Variants in UBTD2 observed in about 807,000 individuals in gnomAD.
UBTD2 encodes the protein ubiquitin domain-containing protein 2.
Under a neutral mutation model 19.8 loss-of-function variants are expected in UBTD2, and 9 were observed. The ratio of observed to expected loss-of-function variants is 0.46; its 90% CI spans 0.27 to 0.79. The LOEUF is 0.79. Among genes scored for constraint, UBTD2 ranks in the 30% least tolerant of loss-of-function variants. UBTD2 has a pLI of 0.14. For synonymous variants in UBTD2, 98 were observed against 103.9 expected (o/e 0.94, Z 0.35); for missense variants, 250 against 300.4 (o/e 0.83, Z 1.24).
chr5:172,275,159 C>A (rs183317913), intron 1 of UBTD2, among the ~76,000 whole-genome samples: 2 of 152,292 alleles, frequency 1.3e-5, no homozygotes, highest in African/African-American at 4.8e-5. Flanking sequence ...GCAACAAACA[C>A]GTCCTTGTTC....
At chr5:172,255,021 G>A in intron 1 of UBTD2, 2 of 552,976 alleles carry the variant, frequency 3.6e-6, no homozygotes, top group South Asian at 3.0e-5. Context: ...AAGATCCCCA[G>A]GCTCCATATT....
chr5:172,243,127 CTTT>C (rs377346393), intron 1 of UBTD2, among the ~76,000 whole-genome samples: 2 of 132,674 alleles, frequency 1.5e-5, no homozygotes, highest in African/African-American at 5.6e-5. Flanking sequence ...CATGACTGGC[CTTT>C]TTTTTTTTTT....
chr5:172,221,341 C>T (rs1432833702), intron 2 of UBTD2, among the ~76,000 whole-genome samples: 3 of 151,626 alleles, frequency 2.0e-5, no homozygotes, highest in Admixed American at 2.0e-4. Flanking sequence ...CCATCTCTAC[C>T]AAAGAAATAA....
At chr5:172,257,484 C>G (rs1421399892) in intron 1 of UBTD2, among the ~76,000 whole-genome samples, 1 of 152,136 alleles carries the variant, frequency 6.6e-6, no homozygotes, top group Non-Finnish European at 1.5e-5. Flanking sequence ...AATTTATATT[C>G]CTTTGAGTAT....
chr5:172,252,659 T>A (rs1220678802), intron 1 of UBTD2, among the ~76,000 whole-genome samples: 2 of 152,110 alleles, frequency 1.3e-5, no homozygotes, highest in Non-Finnish European at 2.9e-5. Context: ...CTATCTGAAG[T>A]TTCCTCTGCT....
At chr5:172,245,572 C>T (rs533059755) in intron 1 of UBTD2, among the ~76,000 whole-genome samples, 148 of 152,218 alleles carry the variant, frequency 9.7e-4, no homozygotes, top group Admixed American at 2.3e-3. Context: ...ATTAGCCCCA[C>T]GTGGTGGCGC....
chr5:172,280,277 T>G (rs4133474), intron 1 of UBTD2, among the ~76,000 whole-genome samples: 9 of 151,492 alleles, frequency 5.9e-5, no homozygotes, highest in African/African-American at 9.7e-5. Context: ...GAAGCACAGG[T>G]GGGCGGATTA....
chr5:172,261,294 T>A (rs1048786708), intron 1 of UBTD2, among the ~76,000 whole-genome samples: 1 of 152,188 alleles, frequency 6.6e-6, no homozygotes, highest in Non-Finnish European at 1.5e-5. Context: ...CACCACTTTA[T>A]AACCGAGATA....
intron 1 of UBTD2, among the ~76,000 whole-genome samples, chr5:172,276,943 C>T (rs967983301): frequency 4.0e-5 from 6 of 151,678 alleles, no homozygotes; most frequent in African/African-American, 7.3e-5. Flanking sequence ...GAGGTGCACA[C>T]GTGTAATCCC....
At chr5:172,228,661 C>A (rs915016416) in intron 2 of UBTD2, among the ~76,000 whole-genome samples, 1 of 151,796 alleles carries the variant, frequency 6.6e-6, no homozygotes, top group Non-Finnish European at 1.5e-5. Context: ...GTGGAGGTTG[C>A]AGTGAGCTAA....
At chr5:172,258,563 C>A (rs1256658718) in intron 1 of UBTD2, among the ~76,000 whole-genome samples, 1 of 152,148 alleles carries the variant, frequency 6.6e-6, no homozygotes, top group Non-Finnish European at 1.5e-5. Flanking sequence ...TTGCCTTGGG[C>A]TGTATGCCCA....
chr5:172,249,588 G>A (rs1754949831), intron 1 of UBTD2, among the ~76,000 whole-genome samples: 1 of 152,040 alleles, frequency 6.6e-6, no homozygotes, highest in Middle Eastern at 3.2e-3. Flanking sequence ...ATGCACAGTG[G>A]TGCACACCCT....
chr5:172,213,812 A>T (rs1418020154), intron 2 of UBTD2, among the ~76,000 whole-genome samples: 1 of 151,788 alleles, frequency 6.6e-6, no homozygotes, highest in African/African-American at 2.4e-5. Context: ...TTGAGACGGA[A>T]TTTCACTCTT....
intron 1 of UBTD2, among the ~76,000 whole-genome samples, chr5:172,282,185 A>T (rs1755731853): frequency 6.6e-6 from 1 of 152,234 alleles, no homozygotes; most frequent in Admixed American, 6.5e-5. Context: ...CAATTAGAGG[A>T]AGATTCATTT....
intron 1 of UBTD2, among the ~76,000 whole-genome samples, chr5:172,281,905 A>G (rs1277627410): frequency 6.6e-6 from 1 of 152,208 alleles, no homozygotes; most frequent in Non-Finnish European, 1.5e-5. Flanking sequence ...TCAGTCCTCA[A>G]AGAAACTGAT....
chr5:172,227,532 G>T (rs1771793888), intron 2 of UBTD2, among the ~76,000 whole-genome samples: 1 of 139,732 alleles, frequency 7.2e-6, no homozygotes, highest in African/African-American at 2.7e-5. Context: ...TATCAACTTT[G>T]TTAAATGACA....
chr5:172,248,634 T>G (rs778490806), intron 1 of UBTD2, among the ~76,000 whole-genome samples: 1 of 150,540 alleles, frequency 6.6e-6, no homozygotes, highest in Non-Finnish European at 1.5e-5. Context: ...TGATAACGCT[T>G]GCCTGTAATC....
At chr5:172,235,088 A>AAT (rs1561854865) in intron 1 of UBTD2, among the ~76,000 whole-genome samples, 1 of 151,580 alleles carries the variant, frequency 6.6e-6, no homozygotes, top group Non-Finnish European at 1.5e-5. Context: ...CTCTAAAAAA[A>AAT]TTTTTTTTTA....
intron 1 of UBTD2, among the ~76,000 whole-genome samples, chr5:172,257,580 GAACT>G (rs1755181430): frequency 6.6e-6 from 1 of 152,146 alleles, no homozygotes; most frequent in African/African-American, 2.4e-5. Context: ...CATAGAGGCT[GAACT>G]AATATACCAT....
Sources: gnomAD v4.1 joint callset for allele counts (sites outside exome capture counted in the v4.1 genomes callset) on GRCh38, gnomAD v4.1.1 for gene constraint, MANE v1.5 for transcripts, NCBI Gene and HGNC (gene_info 2026-07-23, HGNC 2026-07-21) for gene names.